The following ATRNL1 variants were observed in gnomAD, a reference collection of about 807,000 sequenced individuals.
ATRNL1 encodes attractin-like protein 1.
ATRNL1 carries 95 observed loss-of-function variants against 182.7 expected under a neutral mutation model. The ratio of observed to expected loss-of-function variants is 0.52; its 90% CI spans 0.44 to 0.62. The LOEUF (loss-of-function observed/expected upper bound fraction) is 0.62. Among genes scored for constraint, ATRNL1 ranks in the 20% least tolerant of loss-of-function variants. The pLI is 0.00. For synonymous variants in ATRNL1, 576 were observed against 568.3 expected, an observed-to-expected ratio of 1.01 and a Z score of -0.19; for missense variants, 1,471 against 1,679.5, an observed-to-expected ratio of 0.88 and a Z score of 2.17.
intron 18 of ATRNL1, among the ~76,000 whole-genome samples, chr10:115,321,364 T>G (rs1452707181): frequency 1.3e-5 from 2 of 152,196 alleles, no homozygotes; most frequent in African/African-American, 2.4e-5. Flanking sequence ...ATTTGATATG[T>G]GAGGGCTTAT....
intron 27 of ATRNL1, among the ~76,000 whole-genome samples, chr10:115,758,353 G>A (rs1948645342): frequency 1.9e-4 from 1 of 5,130 alleles, no homozygotes; most frequent in South Asian, 0.1. Context: ...CTTTCTGTTT[G>A]ATAGTTTTTT....
At chr10:115,503,723 G>A (rs1386908911) in intron 24 of ATRNL1, among the ~76,000 whole-genome samples, 1 of 148,536 alleles carries the variant, frequency 6.7e-6, no homozygotes, top group Admixed American at 6.6e-5. Context: ...TTCTCTTCTT[G>A]TGACTTACCC....
At chr10:115,120,436 C>G (rs1281883618) in intron 2 of ATRNL1, among the ~76,000 whole-genome samples, 168 bp downstream of exon 2, 1 of 151,932 alleles carries the variant, frequency 6.6e-6, no homozygotes, top group African/African-American at 2.4e-5. Context: ...TACACTACCT[C>G]TTCACTTGTG....
At chr10:115,153,694 A>C (rs554253111) in intron 5 of ATRNL1, among the ~76,000 whole-genome samples, 1 of 151,880 alleles carries the variant, frequency 6.6e-6, no homozygotes, top group South Asian at 2.1e-4. Flanking sequence ...ATTTTTTTGA[A>C]GGGTTTTTTG....
intron 27 of ATRNL1, among the ~76,000 whole-genome samples, chr10:115,728,666 C>T (rs1314932033): frequency 6.6e-6 from 1 of 152,014 alleles, no homozygotes; most frequent in Non-Finnish European, 1.5e-5. Context: ...CTCATGGATG[C>T]TACTCAAAGG....
rs183054060 is a variant in ATRNL1 at position 115,421,917 on chromosome 10, A to G, written c.3270-4333A>G. Reference sequence around the variant, plus strand: ...CATAGGTACAACTATCTAGTCTTCAATGAAGCTGACAAAAACAAGTAGTGA... The same window carrying G: ...CATAGGTACAACTATCTAGTCTTCAGTGAAGCTGACAAAAACAAGTAGTGA... On this transcript the variant is annotated intron_variant, in intron 20 of 28. Transcript: ENST00000355044. Among the ~76,000 whole-genome samples the G allele has an allele frequency of 3.5e-4, 53 of 152,322 alleles. No homozygotes were observed. The East Asian group carries it at 6.7e-3, about 19-fold the overall frequency.
At chr10:115,687,955 T>C (rs1357587319) in intron 26 of ATRNL1, among the ~76,000 whole-genome samples, 1 of 152,058 alleles carries the variant, frequency 6.6e-6, no homozygotes, top group East Asian at 1.9e-4. Context: ...TCTCTCTTCA[T>C]TCACTCCCCC....
intron 26 of ATRNL1, among the ~76,000 whole-genome samples, chr10:115,697,058 A>G (rs1015721525): frequency 3.3e-5 from 5 of 152,118 alleles, no homozygotes; most frequent in Non-Finnish European, 7.4e-5. Flanking sequence ...AATTTGAGAT[A>G]AGATTTCGGT....
At position 115,583,359 on chromosome 10, in the gene ATRNL1, A is replaced by G. The variant is rs557638713; in HGVS notation, c.3795+33823A>G. On this transcript the variant is annotated intron_variant, in intron 26 of 28. Coordinates refer to ENST00000355044, the MANE Select transcript of ATRNL1 (RefSeq NM_207303.4). ...CTTGGGCAGTATGGCCATTTTCACG[A>G]TATTGATTCTTCCTACCCATGAGCA... Among the ~76,000 whole-genome samples, 47 of 109,110 alleles carry G rather than the reference A, an allele frequency of 4.3e-4. 8 individuals are homozygous for G. Among genetic ancestry groups the G allele is most frequent in the African/African-American group, 1.3e-3 (46 of 35,744 alleles). The allele number at this position is 109,110 out of a possible 152,430, so 71.6% of individuals were successfully genotyped here. A position where few individuals can be genotyped will look rare whatever the true frequency, so the allele number is the denominator to read the frequency against.
At chr10:115,359,551 TA>T (rs1327699583) in intron 19 of ATRNL1, among the ~76,000 whole-genome samples, 1 of 151,572 alleles carries the variant, frequency 6.6e-6, no homozygotes, top group Non-Finnish European at 1.5e-5. Flanking sequence ...CCAATGTATG[TA>T]TTATATTTGC....
At chr10:115,693,824 G>T (rs188976452) in intron 26 of ATRNL1, among the ~76,000 whole-genome samples, 4 of 151,806 alleles carry the variant, frequency 2.6e-5, no homozygotes. Flanking sequence ...ACATATATAG[G>T]GTAGCTCCAT....
At chr10:115,805,536 C>G (rs1301613239) in intron 27 of ATRNL1, among the ~76,000 whole-genome samples, 2 of 152,132 alleles carry the variant, frequency 1.3e-5, no homozygotes, top group African/African-American at 4.8e-5. Context: ...CACTCCATGA[C>G]AGCATCACCT....
intron 21 of ATRNL1, among the ~76,000 whole-genome samples, chr10:115,430,356 A>C (rs1287387298): frequency 6.6e-6 from 1 of 151,892 alleles, no homozygotes; most frequent in Non-Finnish European, 1.5e-5. Flanking sequence ...TGTCTTTAAT[A>C]ATTTCCTTCT....
chr10:115,417,495 C>T (rs1266751000), intron 20 of ATRNL1, among the ~76,000 whole-genome samples: 1 of 152,216 alleles, frequency 6.6e-6, no homozygotes, highest in African/African-American at 2.4e-5. Flanking sequence ...CAGCTCCCCC[C>T]ACTGTAGTCA....
At chr10:115,714,767 T>C (rs1443887940) in intron 26 of ATRNL1, among the ~76,000 whole-genome samples, 2 of 151,678 alleles carry the variant, frequency 1.3e-5, no homozygotes, top group Non-Finnish European at 2.9e-5. Flanking sequence ...AAGAAATAAA[T>C]GGCCTGATTA....
At chr10:115,462,074 G>T in intron 22 of ATRNL1, 39 bp downstream of exon 22, 3 of 1,450,184 alleles carry the variant, frequency 2.1e-6, no homozygotes, top group Non-Finnish European at 2.8e-6. Flanking sequence ...ATAATTATTG[G>T]ACACAATTTT....
rs77642940 is a variant in ATRNL1, at chr10:115,441,465, C to G, written c.3322+15163C>G. ...TGAAACAGTCTATTTCTTGACTTTC[C>G]TATCATACTTTCCAATTTTTCCTAC... On this transcript the variant is annotated intron_variant, in intron 21 of 28. Transcript: ENST00000355044. Among the ~76,000 whole-genome samples the G allele has an allele frequency of 9.4e-3, 1,421 of 151,952 alleles. 25 individuals carry two copies. The highest frequency in any genetic ancestry group is 0.033 in the African/African-American group (1,350 of 41,522).
intron 24 of ATRNL1, among the ~76,000 whole-genome samples, chr10:115,478,812 G>A (rs1478999939): frequency 6.6e-6 from 1 of 151,766 alleles, no homozygotes. Context: ...TAGTATTATA[G>A]TTTTGTCAAA....
intron 10 of ATRNL1, among the ~76,000 whole-genome samples, chr10:115,250,915 A>G (rs1395578553): frequency 3.9e-5 from 6 of 152,216 alleles, no homozygotes; most frequent in Non-Finnish European, 7.3e-5. Flanking sequence ...GATCAAATGT[A>G]TTCTGACTAT....
Sources: allele counts gnomAD v4.1 joint callset (sites outside exome capture counted in the v4.1 genomes callset), GRCh38; gene constraint gnomAD v4.1.1; transcripts MANE v1.5; gene names NCBI Gene and HGNC (gene_info 2026-07-23, HGNC 2026-07-21).